Variants in CFAP74 observed in about 807,000 individuals in gnomAD.
CFAP74 encodes the protein cilia and flagella associated protein 74, also known as cilia- and flagella-associated protein 74.
In CFAP74, 124 loss-of-function variants were observed where a neutral mutation model predicts 188.9. The observed-to-expected ratio is 0.66, with a 90% CI of 0.57 to 0.76. The LOEUF (loss-of-function observed/expected upper bound fraction) is 0.76. Ranked by LOEUF, CFAP74 falls within the 30% of genes least tolerant of loss-of-function variation. CFAP74 has a pLI of 0.00. For synonymous variants in CFAP74, 956 were observed against 916.7 expected (o/e 1.04, Z -0.77); for missense variants, 2,198 against 2,165.2 (o/e 1.02, Z -0.30).
intron 18 of CFAP74, among the ~76,000 whole-genome samples, chr1:1,951,939 C>T (rs901717746): frequency 1.3e-5 from 2 of 152,176 alleles, no homozygotes; most frequent in Non-Finnish European, 2.9e-5. Context: ...GAAAGAGCAT[C>T]GGTGAGCGGC....
rs1172515295 is a variant in CFAP74 at position 1,923,362 on chromosome 1, C to T, written c.4522+5G>A. ...TGTCTGTTCCCTCCCTGGGGAGGGG[C>T]TCACCCTCTCTGTGCCTGGGGTCAA... is the stretch of plus-strand genomic sequence containing the variant. On this transcript the variant is annotated splice_donor_5th_base_variant and intron_variant, in intron 36 of 38. Transcript: ENST00000682832. The surrounding 1 kb of genome is among the most constrained non-coding windows in gnomAD (Gnocchi z 6.3). The T allele has an allele frequency of 6.4e-7, 1 of 1,563,096 alleles. No individual in the cohort carries two copies. The highest frequency in any genetic ancestry group is 2.4e-5 in the East Asian group (1 of 42,482).
At chr1:1,976,931 C>T (rs566688991) in intron 6 of CFAP74, among the ~76,000 whole-genome samples, 30 of 152,156 alleles carry the variant, frequency 2.0e-4, no homozygotes, top group African/African-American at 6.5e-4. Flanking sequence ...CTGCAAGCTC[C>T]GCCTCCCGAG....
chr1:1,993,847 TG>T (rs1657752228), intron 1 of CFAP74, among the ~76,000 whole-genome samples: 1 of 150,858 alleles, frequency 6.6e-6, no homozygotes, highest in South Asian at 2.1e-4. Context: ...CCGGGCGTGG[TG>T]GCGGGCGCCT....
At chr1:2,002,538 A>G (rs1658258017) in intron 1 of CFAP74, among the ~76,000 whole-genome samples, 1 of 151,078 alleles carries the variant, frequency 6.6e-6, no homozygotes, top group Admixed American at 6.6e-5. Flanking sequence ...AAAATTAGCC[A>G]GGCATGCTAT....
chr1:1,976,994 T>C (rs1656494334), intron 6 of CFAP74, among the ~76,000 whole-genome samples: 1 of 151,930 alleles, frequency 6.6e-6, no homozygotes, highest in African/African-American at 2.4e-5. Flanking sequence ...TACAGGTGCC[T>C]GCCACCATGC....
chr1:1,946,357 G>A lies in CFAP74; in HGVS notation c.2324C>T (p.Ala775Val), dbSNP rs1403186287. 1 of 1,536,866 alleles carries A rather than the reference G, an allele frequency of 6.5e-7. No homozygotes were observed. The highest frequency in any genetic ancestry group is 1.2e-5 in the South Asian group (1 of 84,066). The change falls in exon 20 of 39, where the codon GCC (alanine) becomes GTC (valine). Residue 775 changes from alanine (A) to valine (V), a missense_variant. Transcript: ENST00000682832. Reference sequence around the variant, plus strand: ...GTTCTTAAACGTGACTTTGAACCTGGCTTGGACGTCGCCTGGGACGACCGG... The same window carrying A: ...GTTCTTAAACGTGACTTTGAACCTGACTTGGACGTCGCCTGGGACGACCGG... ...FTPVVPGDVQ[A>V]RFKVTFKNPQ...
intron 18 of CFAP74, among the ~76,000 whole-genome samples, chr1:1,951,826 T>A (rs961520710): frequency 6.6e-6 from 1 of 151,464 alleles, no homozygotes; most frequent in Non-Finnish European, 1.5e-5. Flanking sequence ...ATCTTAGCAC[T>A]TTGGGAGGCT....
intron 30 of CFAP74, 50 bp from the exon 31 acceptor site, chr1:1,926,562 G>C (rs564090760): frequency 2.6e-6 from 4 of 1,548,938 alleles, no homozygotes; most frequent in Non-Finnish European, 2.6e-6. Flanking sequence ...CCCAGGGAGC[G>C]TCTCTGCCAG....
At position 1,988,322 on chromosome 1, in the gene CFAP74, G is replaced by T. The variant is rs535988032; in HGVS notation, c.296+190C>A. On this transcript the variant is annotated intron_variant, in intron 4 of 38. Transcript: ENST00000682832. ...CTTGTTTCCGCCTTTTCTGTGGGAA[G>T]GGGGCTGGGAGCGCTGGGCACTAGC... 2.6e-3 allele frequency among the ~76,000 whole-genome samples: 393 copies of T among 152,334 alleles called. 1 individual carries two copies. Among genetic ancestry groups the T allele is most frequent in the African/African-American group, 8.9e-3 (372 of 41,580 alleles).
chr1:1,973,277 C>A lies in CFAP74; in HGVS notation c.675-230G>T, dbSNP rs1656215815. Among the ~76,000 whole-genome samples the A allele has an allele frequency of 6.6e-6, 1 of 152,226 alleles. No individual in the cohort carries two copies. The highest frequency in any genetic ancestry group is 1.5e-5 in the Non-Finnish European group (1 of 68,042). ...CTGGGGCTCCAGTGCCAGGGAGCCACCAAAGGCAAGGTTTGATCCCAGCTG... is the reference window on the plus strand; with the variant it reads ...CTGGGGCTCCAGTGCCAGGGAGCCAACAAAGGCAAGGTTTGATCCCAGCTG... On this transcript the variant is annotated intron_variant, in intron 7 of 38. Coordinates refer to ENST00000682832, the MANE Select transcript of CFAP74 (RefSeq NM_001304360.2). The surrounding 1 kb of genome is among the most constrained non-coding windows in gnomAD (Gnocchi z 6.2).
rs1651427330 is a variant in CFAP74 at position 1,922,118 on chromosome 1, C to T, written c.*169G>A. On this transcript the variant is annotated 3_prime_UTR_variant, in exon 39 of 39. Transcript: ENST00000682832. ...GTGCTCTTGGATGTCCCTGGGCTTG[C>T]GGGGTCCAGGGCAGCAGGAAGTGGC... The T allele has an allele frequency of 6.9e-6, 4 of 582,836 alleles. No homozygotes were observed. Among genetic ancestry groups the T allele is most frequent in the South Asian group, 4.1e-5 (2 of 48,496 alleles). The allele number at this position is 582,836 out of a possible 1,614,324, so 36.1% of individuals were successfully genotyped here.
chr1:1,969,362 C>T (rs1207856559), intron 10 of CFAP74, among the ~76,000 whole-genome samples: 2 of 143,706 alleles, frequency 1.4e-5, no homozygotes, highest in Non-Finnish European at 3.1e-5. Context: ...CCAGCCCAGA[C>T]CTTCCCAGTC....
chr1:1,932,396 CAA>C (rs374579472), intron 25 of CFAP74, among the ~76,000 whole-genome samples: 47 of 98,190 alleles, frequency 4.8e-4, no homozygotes, highest in Admixed American at 9.9e-4. Flanking sequence ...GACTCTGTCT[CAA>C]AAAAAAAAAA....
In CFAP74 at chr1:1,988,387, C is replaced by T. The variant is rs1267042299; in HGVS notation, c.296+125G>A. On this transcript the variant is annotated intron_variant, in intron 4 of 38. Transcript: ENST00000682832. ...TGCAGAACTGCTCCTCCATGGAGAC[C>T]CTGTGCGACCCTCCCTTGCAGGCCC... The T allele has an allele frequency of 3.4e-6, 4 of 1,185,312 alleles. No homozygotes were observed. In the Admixed American group the frequency reaches 5.9e-5, roughly 18 times the overall value. 73.4% of individuals were successfully genotyped at this position (1,185,312 alleles called of 1,614,324 possible).
intron 6 of CFAP74, among the ~76,000 whole-genome samples, chr1:1,982,093 G>A (rs1178315222): frequency 7.0e-6 from 1 of 143,330 alleles, no homozygotes; most frequent in Non-Finnish European, 1.5e-5. Context: ...GGACACGCAG[G>A]ACACCCAGCC....
chr1:1,942,252 G>T lies in CFAP74; in HGVS notation c.2487-96C>A. ...TTATTAAAACATTTCTGGCACCCAAGCCCCCGAGAGGTGCTCAGAGCCCAC... is the reference window on the plus strand; with the variant it reads ...TTATTAAAACATTTCTGGCACCCAATCCCCCGAGAGGTGCTCAGAGCCCAC... On this transcript the variant is annotated intron_variant, in intron 21 of 38. Coordinates refer to ENST00000682832, the MANE Select transcript of CFAP74 (RefSeq NM_001304360.2). The surrounding 1 kb of genome is among the most constrained non-coding windows in gnomAD (Gnocchi z 4.3). The T allele has an allele frequency of 7.8e-7, 1 of 1,281,712 alleles. No individual in the cohort carries two copies. The highest frequency in any genetic ancestry group is 2.0e-5 in the South Asian group (1 of 50,344). The allele number at this position is 1,281,712 out of a possible 1,614,324, so 79.4% of individuals were successfully genotyped here.
At position 1,923,350 on chromosome 1, in the gene CFAP74, C is replaced by T; in HGVS notation, c.4522+17G>A. The T allele has an allele frequency of 6.4e-7, 1 of 1,553,386 alleles. No homozygotes were observed. Among genetic ancestry groups the T allele is most frequent in the Non-Finnish European group, 8.7e-7 (1 of 1,147,368 alleles). ...CGGGAGGCCCCGTGTCTGTTCCCTC[C>T]CTGGGGAGGGGCTCACCCTCTCTGT... is the stretch of plus-strand genomic sequence containing the variant. On this transcript the variant is annotated intron_variant, in intron 36 of 38. Coordinates refer to ENST00000682832, the MANE Select transcript of CFAP74 (RefSeq NM_001304360.2). This position sits in a 1 kb window ranked among gnomAD's most constrained non-coding sequence, Gnocchi z 6.3.
At chr1:1,946,794 G>A (rs532356097) in intron 19 of CFAP74, among the ~76,000 whole-genome samples, 196 bp downstream of exon 19, 7 of 152,344 alleles carry the variant, frequency 4.6e-5, no homozygotes, top group Non-Finnish European at 7.3e-5. Context: ...AGCCGGAGGC[G>A]GTGGCCCCAT....
In CFAP74 at chr1:1,942,498, G is replaced by A. The variant is rs1028500534; in HGVS notation, c.2487-342C>T. Among the ~76,000 whole-genome samples, 20 of 152,112 alleles carry A rather than the reference G, an allele frequency of 1.3e-4. No homozygotes were observed. Among genetic ancestry groups the A allele is most frequent in the East Asian group, 3.9e-4 (2 of 5,166 alleles). On this transcript the variant is annotated intron_variant, in intron 21 of 38. Coordinates refer to ENST00000682832, the MANE Select transcript of CFAP74 (RefSeq NM_001304360.2). The surrounding 1 kb of genome is among the most constrained non-coding windows in gnomAD (Gnocchi z 4.3). ...CGGGGCCCTGGAGGGGACATGAGGGGTGGAACCCCTCCCTCCAGGGCTCTG... is the reference window on the plus strand; with the variant it reads ...CGGGGCCCTGGAGGGGACATGAGGGATGGAACCCCTCCCTCCAGGGCTCTG...
Sources: gnomAD v4.1 joint callset for allele counts (sites outside exome capture counted in the v4.1 genomes callset) on GRCh38, gnomAD v4.1.1 for gene constraint, Gnocchi (gnomAD v3.1) non-coding constraint, MANE v1.5 for transcripts, NCBI Gene and HGNC (gene_info 2026-07-23, HGNC 2026-07-21) for gene names.